Variants in L1CAM observed in about 807,000 individuals in gnomAD.
L1CAM encodes the protein neural cell adhesion molecule L1.
A neutral mutation model predicts 93.0 loss-of-function variants in L1CAM; 8 were observed. The observed-to-expected ratio is 0.09, with a 90% CI of 0.05 to 0.16. The LOEUF is 0.16. Ranked by LOEUF, L1CAM falls within the 10% of genes least tolerant of loss-of-function variation. The pLI, the probability that L1CAM is intolerant of heterozygous loss-of-function variation, is 1.00. For missense variants in L1CAM, 777 were observed against 1,073.4 expected, an observed-to-expected ratio of 0.72 and a Z score of 3.86; for synonymous variants, 453 against 453.0, an observed-to-expected ratio of 1.00 and a Z score of 0.00.
chrX:153,868,616 G>A lies in L1CAM; in HGVS notation c.1491C>T (p.Cys497=). The change falls in exon 13 of 29, where the codon TGC becomes TGT. Residue 497 remains cysteine, a synonymous_variant. Coordinates refer to ENST00000370060, the MANE Select transcript of L1CAM (RefSeq NM_001278116.2). ...LQANDTGRYF[C]LAANDQNNVT... is the part of the protein sequence containing the mutation. Reference sequence around the variant, plus strand: ...CATTGTTTTGGTCATTGGCAGCCAGGCAGAAGTAGCGTCCGGTGTCATTGG... The same window carrying A: ...CATTGTTTTGGTCATTGGCAGCCAGACAGAAGTAGCGTCCGGTGTCATTGG... The A allele has an allele frequency of 8.3e-7, 1 of 1,211,940 alleles. No homozygotes were observed. Among genetic ancestry groups the A allele is most frequent in the Non-Finnish European group, 1.1e-6 (1 of 895,477 alleles).
At chrX:153,864,790 T>C in intron 23 of L1CAM, 31 bp downstream of exon 23, 1 of 1,211,524 alleles carries the variant, frequency 8.3e-7, no homozygotes, top group Non-Finnish European at 1.1e-6. Context: ...GGCCGGGGCC[T>C]CCCTGTTGGC....
chrX:153,876,071 C>T (rs2064812158), intron 1 of L1CAM, 127 bp from the exon 2 acceptor site: 2 of 448,331 alleles, frequency 4.5e-6, no homozygotes, highest in Non-Finnish European at 7.8e-6. Flanking sequence ...CCCAGCTGGC[C>T]GGCTTCTCCA....
intron 1 of L1CAM, among the ~76,000 whole-genome samples, chrX:153,882,907 C>T (rs1279394129): frequency 5.3e-5 from 6 of 112,239 alleles, no homozygotes; most frequent in Non-Finnish European, 7.5e-5. Flanking sequence ...GAAAGAACAG[C>T]GGCCAGACCC....
chrX:153,871,636 C>T, intron 5 of L1CAM, among the ~76,000 whole-genome samples: 1 of 110,152 alleles, frequency 9.1e-6, no homozygotes, highest in Non-Finnish European at 1.9e-5. Flanking sequence ...GCAGAAAGCT[C>T]AGGGAGGATG....
Position 153,868,156 on chromosome X carries a change from C to G in L1CAM, c.1704-34G>C, listed in dbSNP as rs201780618. ...GAGCCGTGTCTGTCTTTCCTGCCAT[C>G]TGGGCTCTTCTCCCCTCCCATCCCT... On this transcript the variant is annotated intron_variant, in intron 14 of 28. Coordinates refer to ENST00000370060, the MANE Select transcript of L1CAM (RefSeq NM_001278116.2). 8.3e-7 allele frequency: 1 copy of G among 1,207,239 alleles called. No individual in the cohort carries two copies. Among genetic ancestry groups the G allele is most frequent in the Admixed American group, 2.2e-5 (1 of 45,718 alleles).
intron 10 of L1CAM, 35 bp from the exon 11 acceptor site, chrX:153,869,698 C>T: frequency 8.3e-7 from 1 of 1,203,384 alleles, no homozygotes; most frequent in Non-Finnish European, 1.1e-6. Flanking sequence ...TGGGCCACAG[C>T]CCGGCATTGA....
chrX:153,879,781 G>C lies in L1CAM; in HGVS notation c.-108-3837C>G, dbSNP rs1199153373. 5.9e-4 allele frequency among the ~76,000 whole-genome samples: 60 copies of C among 102,396 alleles called. 1 individual carries two copies. The highest frequency in any genetic ancestry group is 4.7e-3 in the Middle Eastern group (1 of 214). The allele number at this position is 102,396 out of a possible 115,157, so 88.9% of individuals were successfully genotyped here. On this transcript the variant is annotated intron_variant, in intron 1 of 28. Transcript: ENST00000370060. The stretch of plus-strand genomic sequence containing the variant: ...GTCGGGGGATTCCTGCTGCGGGTAG[G>C]AACGGGGGGAGGGGGAAGCACCCAG...
At position 153,869,474 on chromosome X, in the gene L1CAM, C is replaced by T. The variant is rs782288741; in HGVS notation, c.1267+46G>A. ...TCTGGTGGCCTGGCCCAGTGGGCTGCAGGGACAGACTGGGAGTTAGGAGGT... is the reference window on the plus strand; with the variant it reads ...TCTGGTGGCCTGGCCCAGTGGGCTGTAGGGACAGACTGGGAGTTAGGAGGT... On this transcript the variant is annotated intron_variant, in intron 11 of 28. Transcript: ENST00000370060. 39 of 1,199,890 alleles carry T rather than the reference C, an allele frequency of 3.3e-5. No homozygotes were observed. In the Admixed American group the frequency reaches 8.5e-4, roughly 26 times the overall value.
In L1CAM at chrX:153,867,491, C is replaced by A; in HGVS notation, c.2002G>T (p.Val668Phe). The A allele has an allele frequency of 8.3e-7, 1 of 1,211,002 alleles. No individual in the cohort carries two copies. The highest frequency in any genetic ancestry group is 1.1e-6 in the Non-Finnish European group (1 of 894,576). Reference sequence around the variant, plus strand: ...GTGGTAGAGGTCTGGTTCCCTGGAACCTTGCCCAGACTGTACCATTTTTCA... The same window carrying A: ...GTGGTAGAGGTCTGGTTCCCTGGAAACTTGCCCAGACTGTACCATTTTTCA... Reference protein sequence around the residue: ...APEKWYSLGKVPGNQTSTTLK... With the variant: ...APEKWYSLGKFPGNQTSTTLK... Residue 668 changes from valine (V) to phenylalanine (F), a missense_variant, in exon 17 of 29, where the codon GTT becomes TTT. This residue lies in a region of L1CAM where 574 missense variants were observed against 781.0 expected (regional missense o/e 0.73). Transcript: ENST00000370060.
At position 153,865,128 on chromosome X, in the gene L1CAM, G is replaced by T. The variant is rs782249387; in HGVS notation, c.2832C>A (p.His944Gln). ...LLLRWQPPLS[H>Q]NGVLTGYVLS... Reference sequence around the variant, plus strand: ...GCACGTAGCCGGTGAGCACGCCGTTGTGGCTGAGTGGGGGCTGCCAGCGCA... The same window carrying T: ...GCACGTAGCCGGTGAGCACGCCGTTTTGGCTGAGTGGGGGCTGCCAGCGCA... The change falls in exon 22 of 29, where the codon CAC becomes CAA. Residue 944 changes from histidine to glutamine, a missense_variant. This residue lies in a region of L1CAM where 71 missense variants were observed against 77.4 expected (regional missense o/e 0.92). Transcript: ENST00000370060. 1.7e-6 allele frequency: 2 copies of T among 1,210,257 alleles called. No homozygotes were observed. Among genetic ancestry groups the T allele is most frequent in the Non-Finnish European group, 2.2e-6 (2 of 895,099 alleles).
Position 153,868,218 on chromosome X carries a change from T to C in L1CAM, c.1703+84A>G, listed in dbSNP as rs1221561058. 12 of 1,201,051 alleles carry C rather than the reference T, an allele frequency of 1.0e-5. No homozygotes were observed. The Admixed American group carries it at 1.1e-4, about 11-fold the overall frequency. ...CCTTCCCCCGCTCCTGTCAGAGCCT[T>C]CCCCATCAAAGCAAGGACGAGGCCA... On this transcript the variant is annotated intron_variant, in intron 14 of 28. Transcript: ENST00000370060.
rs782780120 is a variant in L1CAM at position 153,872,234 on chromosome X, C to G, written c.318G>C (p.Gln106His). 11 of 1,209,409 alleles carry G rather than the reference C, an allele frequency of 9.1e-6. No homozygotes were observed. The highest frequency in any genetic ancestry group is 1.2e-5 in the Non-Finnish European group (11 of 894,554). Residue 106 changes from glutamine to histidine, a missense_variant, in exon 5 of 29, where the codon CAG (glutamine) becomes CAC (histidine). By Grantham distance (24) the Gln-to-His change is conservative. This residue lies in a region of L1CAM where 574 missense variants were observed against 781.0 expected (regional missense o/e 0.73). Transcript: ENST00000370060. Reference sequence around the variant, plus strand: ...AGCAGCGGTAGATGCCCTGGAACCTCTGAGCAAAGTTGCTGTTGTTGCCCG... The same window carrying G: ...AGCAGCGGTAGATGCCCTGGAACCTGTGAGCAAAGTTGCTGTTGTTGCCCG... ...TITGNNSNFA[Q>H]RFQGIYRCFA... is the part of the protein sequence containing the mutation.
chrX:153,884,324 G>C, intron 1 of L1CAM: 1 of 866,873 alleles, frequency 1.2e-6, no homozygotes, highest in Non-Finnish European at 1.5e-6. Context: ...CCACCTTGAA[G>C]CGCTGATTGT....
In L1CAM at chrX:153,870,083, G is replaced by A. The variant is rs144692079; in HGVS notation, c.964C>T (p.Arg322Trp). Residue 322 changes from arginine to tryptophan, a missense_variant, in exon 9 of 29, where the codon CGG becomes TGG. Physicochemically the swap from Arg to Trp is moderately radical, Grantham distance 101. Coordinates refer to ENST00000370060, the MANE Select transcript of L1CAM (RefSeq NM_001278116.2). ...TCCACGGTGACATAGTACGCATGCC[G>A]GGCACTGCCCAGTGAGTTCTCGGCC... The part of the protein sequence containing the change: ...CLAENSLGSA[R>W]HAYYVTVEAA... 7.9e-5 allele frequency: 96 copies of A among 1,210,406 alleles called. No homozygotes were observed. In the African/African-American group the frequency reaches 1.5e-3, roughly 18 times the overall value.
intron 1 of L1CAM, among the ~76,000 whole-genome samples, chrX:153,878,310 C>T (rs2064826735): frequency 8.8e-6 from 1 of 113,066 alleles, no homozygotes; most frequent in African/African-American, 3.2e-5. Flanking sequence ...CCAAGAAGAG[C>T]TGTGAATGCG....
At chrX:153,870,572 G>A (rs782624018) in intron 7 of L1CAM, 73 bp from the exon 8 acceptor site, 41 of 928,621 alleles carry the variant, frequency 4.4e-5, no homozygotes, top group Non-Finnish European at 6.0e-5. Context: ...TGAGGGACTC[G>A]ACACTCCAGC....
intron 13 of L1CAM, 48 bp downstream of exon 13, chrX:153,868,513 C>A (rs368302991): frequency 1.7e-6 from 2 of 1,210,563 alleles, no homozygotes; most frequent in Non-Finnish European, 2.2e-6. Flanking sequence ...GAGGCCCAGA[C>A]CCTCCCTCCC....
chrX:153,878,662 G>A (rs1783019409), intron 1 of L1CAM, among the ~76,000 whole-genome samples: 1 of 111,907 alleles, frequency 8.9e-6, no homozygotes, highest in Admixed American at 9.4e-5. Context: ...AGGGGGAGGG[G>A]AGGAAACCGG....
In L1CAM at chrX:153,865,735, G is replaced by T. The variant is rs1255091663; in HGVS notation, c.2516C>A (p.Ala839Asp). Residue 839 changes from alanine (A) to aspartate (D), a missense_variant, in exon 20 of 29, where the codon GCC (alanine) becomes GAC (aspartate). By Grantham distance (126) the Ala-to-Asp change is moderately radical. Coordinates refer to ENST00000370060, the MANE Select transcript of L1CAM (RefSeq NM_001278116.2). The stretch of plus-strand genomic sequence containing the variant: ...TCCGCGGAGGTGGCCCTTGACCTGG[G>T]CCAGGTCCACCGGCCGCCACTTGAC... ...VLVKWRPVDLAQVKGHLRGYN... is the reference protein window; with the variant it reads ...VLVKWRPVDLDQVKGHLRGYN... 8.3e-7 allele frequency: 1 copy of T among 1,207,766 alleles called. No homozygotes were observed. Among genetic ancestry groups the T allele is most frequent in the African/African-American group, 1.7e-5 (1 of 57,206 alleles).
Sources: allele counts gnomAD v4.1 joint callset (sites outside exome capture counted in the v4.1 genomes callset), GRCh38; gene constraint gnomAD v4.1.1; regional missense constraint gnomAD v4.1.1; transcripts MANE v1.5; gene names NCBI Gene and HGNC (gene_info 2026-07-23, HGNC 2026-07-21).